Variants in SH2D4B observed in about 807,000 individuals in gnomAD.
The protein encoded by SH2D4B is SH2 domain containing 4B.
Under a neutral mutation model 61.5 loss-of-function variants are expected in SH2D4B, and 45 were observed. That is an observed-to-expected ratio of 0.73 (90% CI 0.58 to 0.94). The LOEUF is 0.94. SH2D4B is among the 40% of genes least tolerant of loss of function. The probability of loss-of-function intolerance (pLI) is 0.00; values close to 1 mark genes in which losing one functional copy is unlikely to be tolerated. For missense variants in SH2D4B, 572 were observed against 574.2 expected (o/e 1.00, Z 0.04); for synonymous variants, 224 against 220.4 (o/e 1.02, Z -0.14).
chr10:80,553,763 A>G (rs1841791958), intron 1 of SH2D4B, among the ~76,000 whole-genome samples: 1 of 152,172 alleles, frequency 6.6e-6, no homozygotes, highest in Non-Finnish European at 1.5e-5. Context: ...TGAATACAAT[A>G]TCAAATAGCC....
At position 80,571,451 on chromosome 10, in the gene SH2D4B, T is replaced by A. The variant is rs1181853309; in HGVS notation, c.368T>A (p.Ile123Asn). 6.2e-7 allele frequency: 1 copy of A among 1,613,894 alleles called. No individual in the cohort carries two copies. The highest frequency in any genetic ancestry group is 2.2e-5 in the East Asian group (1 of 44,888). Residue 123 changes from isoleucine (I) to asparagine (N), a missense_variant, in exon 3 of 8, where the codon ATC (isoleucine) becomes AAC (asparagine). By Grantham distance (149) the Ile-to-Asn change is moderately radical. Transcript: ENST00000646907. Reference sequence around the variant, plus strand: ...GGTAGGAGACAGAAGGAGGCAGAGATCACCAAGAAGTTCCGGGATGCTCTG... The same window carrying A: ...GGTAGGAGACAGAAGGAGGCAGAGAACACCAAGAAGTTCCGGGATGCTCTG... The part of the protein sequence containing the change: ...EELWRQKEAE[I>N]TKKFRDALAN...
At chr10:80,605,703 G>GAGAC (rs1842511121) in intron 5 of SH2D4B, among the ~76,000 whole-genome samples, 1 of 152,084 alleles carries the variant, frequency 6.6e-6, no homozygotes, top group South Asian at 2.1e-4. Flanking sequence ...ATTTTTAGTA[G>GAGAC]AGACAGAGTT....
At chr10:80,640,965 T>C (rs1840285350) in intron 7 of SH2D4B, among the ~76,000 whole-genome samples, 1 of 152,210 alleles carries the variant, frequency 6.6e-6, no homozygotes, top group South Asian at 2.1e-4. Context: ...GACCTACAGA[T>C]GGGGTTTTGG....
intron 4 of SH2D4B, among the ~76,000 whole-genome samples, chr10:80,599,306 A>G (rs1005683971): frequency 8.4e-6 from 1 of 119,146 alleles, no homozygotes; most frequent in African/African-American, 2.7e-5. Flanking sequence ...GGCTTTCTCT[A>G]TCCCTTGATG....
intron 3 of SH2D4B, among the ~76,000 whole-genome samples, chr10:80,581,738 G>T (rs1428649661): frequency 6.6e-6 from 1 of 152,106 alleles, no homozygotes; most frequent in African/African-American, 2.4e-5. Context: ...TCGTTATGGC[G>T]GCCTGAGCAA....
intron 6 of SH2D4B, among the ~76,000 whole-genome samples, chr10:80,620,600 C>A (rs1354104560): frequency 6.6e-6 from 1 of 152,184 alleles, no homozygotes; most frequent in Non-Finnish European, 1.5e-5. Context: ...AGAGTACAAG[C>A]CTTGTGAATA....
intron 3 of SH2D4B, among the ~76,000 whole-genome samples, chr10:80,577,672 C>A (rs7902939): frequency 0.23 from 34,196 of 151,206 alleles, 4,869 homozygotes; most frequent in African/African-American, 0.39. Flanking sequence ...GCGATCCACC[C>A]GCCTCAGCCT....
At chr10:80,560,693 CTTTTTTTTTTTTTT>C (rs58963330) in intron 1 of SH2D4B, among the ~76,000 whole-genome samples, 2 of 58,846 alleles carry the variant, frequency 3.4e-5, no homozygotes, top group African/African-American at 7.4e-5. Flanking sequence ...CCTGGCCAAG[CTTTTTTTTTTTTTT>C]TTTTTTTTTT....
intron 1 of SH2D4B, among the ~76,000 whole-genome samples, chr10:80,556,940 T>C (rs1314220420): frequency 1.3e-5 from 2 of 152,156 alleles, no homozygotes; most frequent in African/African-American, 4.8e-5. Context: ...TAATGTTAAA[T>C]AGATATGGAG....
intron 4 of SH2D4B, among the ~76,000 whole-genome samples, chr10:80,596,174 G>A (rs1842382872): frequency 1.3e-5 from 2 of 152,248 alleles, no homozygotes; most frequent in South Asian, 4.1e-4. Flanking sequence ...CGATGCCTCA[G>A]GGGCATACGC....
intron 4 of SH2D4B, among the ~76,000 whole-genome samples, chr10:80,597,929 GAT>G (rs1319012596): frequency 6.6e-6 from 1 of 152,202 alleles, no homozygotes; most frequent in Non-Finnish European, 1.5e-5. Context: ...AGGCTTGAAA[GAT>G]AAGATGAGAA....
chr10:80,548,084 G>A (rs1160105949), intron 1 of SH2D4B, among the ~76,000 whole-genome samples: 1 of 152,162 alleles, frequency 6.6e-6, no homozygotes, highest in East Asian at 1.9e-4. Flanking sequence ...AGCAGACCCT[G>A]ACACTCTTCC....
chr10:80,632,671 G>A (rs1478666707), intron 6 of SH2D4B, among the ~76,000 whole-genome samples: 1 of 151,962 alleles, frequency 6.6e-6, no homozygotes, highest in Admixed American at 6.6e-5. Flanking sequence ...GTGTTCTGGT[G>A]TTGGGGCAGG....
chr10:80,586,906 C>A (rs917230455), intron 3 of SH2D4B, among the ~76,000 whole-genome samples: 3 of 151,826 alleles, frequency 2.0e-5, no homozygotes, highest in African/African-American at 7.3e-5. Context: ...CAACTCCAGA[C>A]GCACTGCCTT....
intron 6 of SH2D4B, among the ~76,000 whole-genome samples, chr10:80,618,388 A>G (rs575206035): frequency 6.6e-6 from 1 of 152,324 alleles, no homozygotes; most frequent in Non-Finnish European, 1.5e-5. Context: ...ATAGGCATGG[A>G]TATTGCCTCT....
intron 1 of SH2D4B, among the ~76,000 whole-genome samples, chr10:80,554,782 G>T (rs968849959): frequency 2.6e-5 from 4 of 152,052 alleles, no homozygotes; most frequent in Non-Finnish European, 5.9e-5. Context: ...GGCCGAGGCG[G>T]GTGGATCACA....
chr10:80,614,730 G>A (rs1842640765), intron 6 of SH2D4B, among the ~76,000 whole-genome samples: 1 of 152,164 alleles, frequency 6.6e-6, no homozygotes, highest in African/African-American at 2.4e-5. Flanking sequence ...TTGCTCCAGG[G>A]CCCTGCCCCT....
chr10:80,607,928 G>A (rs1842538634), intron 5 of SH2D4B, among the ~76,000 whole-genome samples: 1 of 152,142 alleles, frequency 6.6e-6, no homozygotes, highest in Admixed American at 6.5e-5. Flanking sequence ...ACAGAGTCTT[G>A]CTCTGTTGCC....
chr10:80,544,072 C>G (rs1841630017), intron 1 of SH2D4B, among the ~76,000 whole-genome samples: 1 of 152,018 alleles, frequency 6.6e-6, no homozygotes, highest in Non-Finnish European at 1.5e-5. Context: ...CCCTTCCACA[C>G]TGTGGAAGCT....
Sources: gnomAD v4.1 joint callset for allele counts (sites outside exome capture counted in the v4.1 genomes callset) on GRCh38, gnomAD v4.1.1 for gene constraint, MANE v1.5 for transcripts, NCBI Gene and HGNC (gene_info 2026-07-23, HGNC 2026-07-21) for gene names.